Variants in PRKN observed in about 807,000 individuals in gnomAD.
PRKN encodes parkin RBR E3 ubiquitin protein ligase, also known as E3 ubiquitin-protein ligase parkin.
Under a neutral mutation model 59.5 loss-of-function variants are expected in PRKN, and 56 were observed. That is an observed-to-expected ratio of 0.94 (90% CI 0.76 to 1.18). The LOEUF (loss-of-function observed/expected upper bound fraction) is 1.18. PRKN is among the 50% of genes most tolerant of loss of function. The pLI is 0.00. For synonymous variants in PRKN, 250 were observed against 222.1 expected (o/e 1.13, Z -1.12); for missense variants, 657 against 596.4 (o/e 1.10, Z -1.06).
chr6:161,715,933 C>T (rs960390512), intron 7 of PRKN: 4 of 423,238 alleles, frequency 9.5e-6, no homozygotes, highest in Admixed American at 5.6e-5. Flanking sequence ...TTGTTAGAAA[C>T]TCAAATTATG....
At chr6:161,531,739 A>G (rs114060060) in intron 9 of PRKN, among the ~76,000 whole-genome samples, 5 of 152,164 alleles carry the variant, frequency 3.3e-5, no homozygotes, top group Non-Finnish European at 7.3e-5. Context: ...TCTGAAAAAA[A>G]TCATGTCAGT....
At chr6:162,118,528 T>G (rs897505499) in intron 4 of PRKN, among the ~76,000 whole-genome samples, 7 of 152,218 alleles carry the variant, frequency 4.6e-5, no homozygotes, top group Admixed American at 2.0e-4. Context: ...ATTTGCTTCA[T>G]TTTTACAAAC....
In PRKN at chr6:161,423,623, G is replaced by A. The variant is rs890431607; in HGVS notation, c.1084-36746C>T. Among the ~76,000 whole-genome samples the A allele has an allele frequency of 6.6e-6, 1 of 152,072 alleles. No homozygotes were observed. The highest frequency in any genetic ancestry group is 2.4e-5 in the African/African-American group (1 of 41,392). On this transcript the variant is annotated intron_variant, in intron 9 of 11. Coordinates refer to ENST00000366898, the MANE Select transcript of PRKN (RefSeq NM_004562.3). This position sits in a 1 kb window ranked among gnomAD's most constrained non-coding sequence, Gnocchi z 5.9. The stretch of plus-strand genomic sequence containing the variant: ...CAAGCTGGAATTCATAAAATTGGCT[G>A]GTCTGTTTAAAGCTGCCTCTTTCTG...
intron 3 of PRKN, among the ~76,000 whole-genome samples, chr6:162,226,653 C>A (rs965959013): frequency 1.1e-4 from 17 of 152,294 alleles, no homozygotes; most frequent in African/African-American, 3.8e-4. Flanking sequence ...CCTGTCCCAG[C>A]CTCCCGAGTA....
Position 161,369,365 on chromosome 6 carries a change from G to C in PRKN, c.1168-9160C>G, listed in dbSNP as rs1199521818. On this transcript the variant is annotated intron_variant, in intron 10 of 11. Transcript: ENST00000366898. This position sits in a 1 kb window ranked among gnomAD's most constrained non-coding sequence, Gnocchi z 5.8. ...AAAAATGCCCTAAGGGGTTGCGAGG[G>C]GCGGGAGGTTTGGGAACCATTCATC... is the stretch of plus-strand genomic sequence containing the variant. Among the ~76,000 whole-genome samples the C allele has an allele frequency of 6.6e-6, 1 of 152,176 alleles. No individual in the cohort carries two copies. The highest frequency in any genetic ancestry group is 1.5e-5 in the Non-Finnish European group (1 of 68,034).
At chr6:162,638,700 C>T (rs980681688) in intron 1 of PRKN, among the ~76,000 whole-genome samples, 11 of 150,508 alleles carry the variant, frequency 7.3e-5, no homozygotes, top group Admixed American at 2.0e-4. Flanking sequence ...CAAGTACTTC[C>T]GTTTGGTATT....
chr6:161,711,645 A>T (rs1185173431), intron 7 of PRKN, among the ~76,000 whole-genome samples: 1 of 152,172 alleles, frequency 6.6e-6, no homozygotes, highest in Non-Finnish European at 1.5e-5. Context: ...GTGTTGCCAA[A>T]GGAGATTAAC....
intron 1 of PRKN, chr6:162,694,845 A>G (rs1301348783): frequency 1.3e-5 from 2 of 152,252 alleles, no homozygotes; most frequent in Non-Finnish European, 2.9e-5. Context: ...GCTTTAGCAC[A>G]GTAGGCATTG....
intron 1 of PRKN, among the ~76,000 whole-genome samples, chr6:162,453,184 GAC>G (rs1195661101): frequency 2.0e-5 from 3 of 152,048 alleles, no homozygotes; most frequent in Non-Finnish European, 2.9e-5. Flanking sequence ...ACAGAATGAG[GAC>G]TTCCTACCCT....
In PRKN at chr6:161,433,779, G is replaced by T. The variant is rs57228909; in HGVS notation, c.1084-46902C>A. 5.3e-3 allele frequency among the ~76,000 whole-genome samples: 807 copies of T among 152,170 alleles called. 10 individuals are homozygous for T. The highest frequency in any genetic ancestry group is 0.019 in the African/African-American group (768 of 41,472). ...CACCTGTAATCCCAGCACTTTGGGA[G>T]GCCGAGGCAAGCAGATCACCTGAGG... On this transcript the variant is annotated intron_variant, in intron 9 of 11. Transcript: ENST00000366898.
intron 6 of PRKN, among the ~76,000 whole-genome samples, chr6:161,803,448 C>A (rs557157812): frequency 6.6e-6 from 1 of 152,178 alleles, no homozygotes; most frequent in South Asian, 2.1e-4. Context: ...TTTGGTGAGG[C>A]CTGCCCTTCT....
chr6:162,032,953 C>T (rs1039461238), intron 5 of PRKN, among the ~76,000 whole-genome samples: 3 of 152,218 alleles, frequency 2.0e-5, no homozygotes, highest in African/African-American at 7.2e-5. Flanking sequence ...CTGATTGGGA[C>T]TGTAATATCC....
chr6:162,426,587 T>G (rs747772740), intron 2 of PRKN, among the ~76,000 whole-genome samples: 9 of 152,158 alleles, frequency 5.9e-5, no homozygotes, highest in Non-Finnish European at 1.0e-4. Flanking sequence ...TGGCTGGGAC[T>G]ACAGGTGCAC....
intron 2 of PRKN, among the ~76,000 whole-genome samples, chr6:162,421,875 A>G (rs1049333044): frequency 2.0e-5 from 3 of 152,238 alleles, no homozygotes; most frequent in Admixed American, 6.5e-5. Context: ...ATATTCTACT[A>G]AACTATTAAA....
intron 9 of PRKN, among the ~76,000 whole-genome samples, chr6:161,506,437 G>C (rs1339011241): frequency 6.6e-6 from 1 of 152,154 alleles, no homozygotes; most frequent in Non-Finnish European, 1.5e-5. Context: ...CTGAGACAAT[G>C]GGGTTTTCTA....
intron 1 of PRKN, among the ~76,000 whole-genome samples, chr6:162,716,078 C>T (rs1027222017): frequency 5.9e-5 from 9 of 152,142 alleles, no homozygotes; most frequent in African/African-American, 2.2e-4. Flanking sequence ...CGCCTAGTGC[C>T]TATCATAAAT....
rs1018367779 is a variant in PRKN at position 161,548,474 on chromosome 6, G to C, written c.1083+380C>G. Among the ~76,000 whole-genome samples the C allele has an allele frequency of 1.3e-5, 2 of 152,162 alleles. No individual in the cohort carries two copies. The highest frequency in any genetic ancestry group is 4.8e-5 in the African/African-American group (2 of 41,446). ...CAAACAATGTCACTAAGACGTCACT[G>C]ATGGAGAATTCTTTCTCCTTCACTC... On this transcript the variant is annotated intron_variant, in intron 9 of 11. Coordinates refer to ENST00000366898, the MANE Select transcript of PRKN (RefSeq NM_004562.3). The surrounding 1 kb of genome is among the most constrained non-coding windows in gnomAD (Gnocchi z 4.2).
chr6:162,086,363 C>T (rs1583011177), intron 4 of PRKN, among the ~76,000 whole-genome samples: 2 of 152,128 alleles, frequency 1.3e-5, no homozygotes, highest in African/African-American at 2.4e-5. Context: ...AAAGAGGAAA[C>T]AAGCAGGTAG....
chr6:161,452,189 A>G (rs1789769980), intron 9 of PRKN, among the ~76,000 whole-genome samples: 1 of 145,976 alleles, frequency 6.9e-6, no homozygotes, highest in Non-Finnish European at 1.5e-5. Flanking sequence ...CCTGATCTCA[A>G]GTGATCCCAC....
Sources: gnomAD v4.1 joint callset for allele counts (sites outside exome capture counted in the v4.1 genomes callset) on GRCh38, gnomAD v4.1.1 for gene constraint, Gnocchi (gnomAD v3.1) non-coding constraint, MANE v1.5 for transcripts, NCBI Gene and HGNC (gene_info 2026-07-23, HGNC 2026-07-21) for gene names.